PCDH15: variants seen among roughly 807,000 people sequenced by gnomAD.
The protein encoded by PCDH15 is protocadherin related 15.
In PCDH15, 129 loss-of-function variants were observed where a neutral mutation model predicts 178.5. The ratio of observed to expected loss-of-function variants is 0.72; its 90% CI spans 0.63 to 0.84. The LOEUF (loss-of-function observed/expected upper bound fraction) is 0.84. Ranked by LOEUF, PCDH15 falls within the 40% of genes least tolerant of loss-of-function variation. The pLI is 0.00. For missense variants in PCDH15, 2,230 were observed against 2,099.9 expected (o/e 1.06, Z -1.21); for synonymous variants, 800 against 732.0 (o/e 1.09, Z -1.50).
At chr10:54,922,332 T>C (rs1289474626) in intron 2 of PCDH15, among the ~76,000 whole-genome samples, 1 of 152,130 alleles carries the variant, frequency 6.6e-6, no homozygotes, top group African/African-American at 2.4e-5. Context: ...AAAATGTGGG[T>C]ACAGGCATTG....
At chr10:54,676,729 T>C (rs1485859753) in intron 1 of PCDH15, among the ~76,000 whole-genome samples, 2 of 152,184 alleles carry the variant, frequency 1.3e-5, no homozygotes, top group Non-Finnish European at 2.9e-5. Flanking sequence ...TTCTAAACTA[T>C]GAAAAGTCTA....
Position 53,806,040 on chromosome 10 carries a change from T to C in PCDH15, c.*539A>G, listed in dbSNP as rs1193978715. 7.9e-6 allele frequency: 1 copy of C among 126,644 alleles called. No homozygotes were observed. The highest frequency in any genetic ancestry group is 1.6e-5 in the Non-Finnish European group (1 of 64,512). The allele number at this position is 126,644 out of a possible 1,614,324, so 7.8% of individuals were successfully genotyped here. A position where few individuals can be genotyped will look rare whatever the true frequency, so the allele number is the denominator to read the frequency against. On this transcript the variant is annotated 3_prime_UTR_variant, in exon 38 of 38. Coordinates refer to ENST00000644397, the MANE Select transcript of PCDH15 (RefSeq NM_001384140.1). ...TAAAGAAAGAAAACAAGCTCATGAT[T>C]TAAAATAATTAATTATTTACAGGTG...
At chr10:54,043,401 CT>C (rs916844585) in intron 18 of PCDH15, among the ~76,000 whole-genome samples, 12 of 151,484 alleles carry the variant, frequency 7.9e-5, no homozygotes, top group African/African-American at 2.7e-4. Flanking sequence ...CTCTTTCTTT[CT>C]TTTTTTTCGA....
intron 25 of PCDH15, among the ~76,000 whole-genome samples, chr10:53,929,468 C>T (rs978796026): frequency 7.2e-5 from 11 of 152,004 alleles, no homozygotes; most frequent in African/African-American, 2.7e-4. Flanking sequence ...AAAACAGTGG[C>T]CATATATTTG....
At chr10:54,510,185 G>A (rs917219213) in intron 3 of PCDH15, among the ~76,000 whole-genome samples, 2 of 152,134 alleles carry the variant, frequency 1.3e-5, no homozygotes, top group African/African-American at 4.8e-5. Context: ...TTTCCTGATT[G>A]TCTTTATGCA....
At chr10:54,479,005 G>GAAAAAAAAA (rs557476375) in intron 3 of PCDH15, among the ~76,000 whole-genome samples, 1 of 96,056 alleles carries the variant, frequency 1.0e-5, no homozygotes, top group African/African-American at 3.8e-5. Flanking sequence ...CTAGGGAAAA[G>GAAAAAAAAA]AAAAAAAAAA....
At chr10:54,434,527 T>G (rs2075253864) in intron 3 of PCDH15, among the ~76,000 whole-genome samples, 1 of 152,240 alleles carries the variant, frequency 6.6e-6, no homozygotes, top group African/African-American at 2.4e-5. Flanking sequence ...AGTAACATGC[T>G]GTGCAGACTT....
intron 1 of PCDH15, among the ~76,000 whole-genome samples, chr10:54,741,430 G>A (rs1457535697): frequency 6.6e-6 from 1 of 152,048 alleles, no homozygotes; most frequent in Non-Finnish European, 1.5e-5. Context: ...TATAGAAAGT[G>A]AAAGGAAGGC....
At chr10:54,944,458 A>G (rs1232886473) in intron 2 of PCDH15, among the ~76,000 whole-genome samples, 1 of 151,920 alleles carries the variant, frequency 6.6e-6, no homozygotes, top group Non-Finnish European at 1.5e-5. Flanking sequence ...CAAGATTAAC[A>G]GAATCAACTA....
At chr10:54,238,630 A>T (rs2054878587) in intron 8 of PCDH15, among the ~76,000 whole-genome samples, 1 of 145,640 alleles carries the variant, frequency 6.9e-6, no homozygotes, top group African/African-American at 2.6e-5. Flanking sequence ...TTAAAACGCA[A>T]CTCTCACTGA....
intron 2 of PCDH15, among the ~76,000 whole-genome samples, chr10:55,158,768 G>T (rs1838970463): frequency 6.6e-6 from 1 of 151,818 alleles, no homozygotes; most frequent in Non-Finnish European, 1.5e-5. Context: ...AGCTGTCAGA[G>T]GCACTTGATA....
chr10:54,584,820 A>C (rs2091333232), intron 2 of PCDH15, among the ~76,000 whole-genome samples: 1 of 152,154 alleles, frequency 6.6e-6, no homozygotes, highest in Admixed American at 6.6e-5. Context: ...GGCTGTAAAT[A>C]AAAAGAATGT....
chr10:54,506,375 A>G (rs1268736396), intron 3 of PCDH15, among the ~76,000 whole-genome samples: 1 of 152,088 alleles, frequency 6.6e-6, no homozygotes, highest in Non-Finnish European at 1.5e-5. Flanking sequence ...ACTAAAAAAT[A>G]TGATTAAATT....
intron 2 of PCDH15, among the ~76,000 whole-genome samples, chr10:54,908,630 G>A (rs1954767048): frequency 1.3e-5 from 2 of 152,204 alleles, no homozygotes; most frequent in East Asian, 3.9e-4. Flanking sequence ...CTGCATCCAG[G>A]AAGAAAGAGG....
chr10:55,067,826 T>A (rs1841605903), intron 2 of PCDH15, among the ~76,000 whole-genome samples: 2 of 152,076 alleles, frequency 1.3e-5, no homozygotes, highest in Non-Finnish European at 2.9e-5. Flanking sequence ...TTCATTTGCA[T>A]TTCCCTGATG....
At chr10:54,115,153 A>G (rs967631169) in intron 15 of PCDH15, among the ~76,000 whole-genome samples, 1 of 152,058 alleles carries the variant, frequency 6.6e-6, no homozygotes, top group Non-Finnish European at 1.5e-5. Flanking sequence ...AATCATGTAA[A>G]TATCTTTGGA....
intron 2 of PCDH15, among the ~76,000 whole-genome samples, chr10:54,552,252 G>T (rs879826668): frequency 3.3e-5 from 5 of 152,040 alleles, no homozygotes; most frequent in Non-Finnish European, 5.9e-5. Context: ...CTATTTTTAT[G>T]CACTAGCTCC....
chr10:55,526,364 G>A (rs983179103), intron 2 of PCDH15, among the ~76,000 whole-genome samples: 1 of 151,846 alleles, frequency 6.6e-6, no homozygotes, highest in Admixed American at 6.6e-5. Flanking sequence ...TTTAGTGGAT[G>A]GGAAAATTCA....
chr10:55,454,129 T>C (rs1325949331), intron 2 of PCDH15, among the ~76,000 whole-genome samples: 1 of 151,988 alleles, frequency 6.6e-6, no homozygotes. Flanking sequence ...TAAGAATGTG[T>C]CTCATTCAAT....
Sources: allele counts gnomAD v4.1 joint callset (sites outside exome capture counted in the v4.1 genomes callset), GRCh38; gene constraint gnomAD v4.1.1; transcripts MANE v1.5; gene names NCBI Gene and HGNC (gene_info 2026-07-23, HGNC 2026-07-21).